The following PHTF1 variants were observed in gnomAD, a reference collection of about 807,000 sequenced individuals.
PHTF1 encodes putative homeodomain transcription factor 1, also known as protein PHTF1.
A neutral mutation model predicts 102.4 loss-of-function variants in PHTF1; 88 were observed. The ratio of observed to expected loss-of-function variants is 0.86; its 90% CI spans 0.72 to 1.03. The LOEUF (loss-of-function observed/expected upper bound fraction) is 1.03, where lower values mean the gene tolerates loss of function less well. Among genes scored for constraint, PHTF1 ranks in the 50% least tolerant of loss-of-function variants. The pLI is 0.00. For missense variants in PHTF1, 814 were observed against 909.5 expected (o/e 0.89, Z 1.35); for synonymous variants, 289 against 305.2 (o/e 0.95, Z 0.55).
intron 11 of PHTF1, among the ~76,000 whole-genome samples, chr1:113,709,955 T>C (rs529183470): frequency 5.9e-5 from 9 of 152,308 alleles, no homozygotes; most frequent in South Asian, 2.1e-4. Flanking sequence ...ATATTCTCTA[T>C]ATGCAAACTC....
At position 113,726,430 on chromosome 1, in the gene PHTF1, T is replaced by C. The variant is rs749263002; in HGVS notation, c.476A>G (p.Asn159Ser). Reference sequence around the variant, plus strand: ...TTTCTCATCTTACCTTCTTCTTCGATTTCCATTGTTTCCTGATGGTCTTGT... The same window carrying C: ...TTTCTCATCTTACCTTCTTCTTCGACTTCCATTGTTTCCTGATGGTCTTGT... The part of the protein sequence containing the change: ...QITRPSGNNG[N>S]RRRRKLRKTV... Residue 159 changes from asparagine (N) to serine (S), a missense_variant, in exon 6 of 19, where the codon AAT (asparagine) becomes AGT (serine). Coordinates refer to ENST00000369604, the MANE Select transcript of PHTF1 (RefSeq NM_001323043.2). 5.0e-6 allele frequency: 8 copies of C among 1,606,424 alleles called. No individual in the cohort carries two copies. In the South Asian group the frequency reaches 8.9e-5, roughly 18 times the overall value.
At chr1:113,758,287 A>G (rs1156253864) in intron 2 of PHTF1, among the ~76,000 whole-genome samples, 1 of 151,880 alleles carries the variant, frequency 6.6e-6, no homozygotes, top group Non-Finnish European at 1.5e-5. Context: ...CACTAGAAAA[A>G]CTAGAGAGGA....
At chr1:113,722,406 T>C (rs1219191506) in intron 7 of PHTF1, among the ~76,000 whole-genome samples, 1 of 151,926 alleles carries the variant, frequency 6.6e-6, no homozygotes, top group Non-Finnish European at 1.5e-5. Flanking sequence ...GCCACTGCAC[T>C]CTAGCTTTGG....
chr1:113,709,616 T>C (rs1367123991), intron 11 of PHTF1, among the ~76,000 whole-genome samples: 1 of 152,228 alleles, frequency 6.6e-6, no homozygotes, highest in East Asian at 1.9e-4. Flanking sequence ...GAGATATAAA[T>C]AATAATGCTA....
Position 113,697,602 on chromosome 1 carries a change from T to G in PHTF1, c.*103A>C. 3 of 803,248 alleles carry G rather than the reference T, an allele frequency of 3.7e-6. No individual in the cohort carries two copies. The South Asian group carries it at 4.5e-5, about 12-fold the overall frequency. 49.8% of individuals were successfully genotyped at this position (803,248 alleles called of 1,614,324 possible). On this transcript the variant is annotated 3_prime_UTR_variant, in exon 19 of 19. Transcript: ENST00000369604. ...TGGCAGAGCTGAGAGCACCTGTGCA[T>G]GTGAACAAGCAGGTGGGTATCTCAC...
rs867145399 is a variant in PHTF1, at chr1:113,706,173, A to T, written c.1399-11T>A. The T allele has an allele frequency of 1.3e-6, 2 of 1,584,966 alleles. No individual in the cohort carries two copies. The highest frequency in any genetic ancestry group is 3.4e-4 in the Middle Eastern group (2 of 5,882). ...CTGATAGGCATTGACCTGTGAATTA[A>T]TTTAAAATTTCCACCATTATTGTGT... On this transcript the variant is annotated splice_polypyrimidine_tract_variant and intron_variant, in intron 12 of 18. Coordinates refer to ENST00000369604, the MANE Select transcript of PHTF1 (RefSeq NM_001323043.2).
chr1:113,744,356 C>A (rs553420688), intron 3 of PHTF1, among the ~76,000 whole-genome samples: 2 of 152,268 alleles, frequency 1.3e-5, no homozygotes, highest in Non-Finnish European at 2.9e-5. Context: ...GAATAAAAAA[C>A]AAGTGAAACC....
intron 5 of PHTF1, among the ~76,000 whole-genome samples, chr1:113,728,343 T>A (rs1188342338): frequency 1.3e-5 from 2 of 152,188 alleles, no homozygotes; most frequent in Non-Finnish European, 2.9e-5. Flanking sequence ...CAAACAGGCA[T>A]ATGAAAAGGT....
At chr1:113,706,851 C>CTT (rs11363653) in intron 11 of PHTF1, 129 bp from the exon 12 acceptor site, 1,674 of 217,052 alleles carry the variant, frequency 7.7e-3, no homozygotes, top group Middle Eastern at 9.6e-3. Flanking sequence ...TTCTTTCTTT[C>CTT]TTTTTTTTTT....
At chr1:113,724,226 A>G (rs2101415662) in intron 7 of PHTF1, among the ~76,000 whole-genome samples, 1 of 152,290 alleles carries the variant, frequency 6.6e-6, no homozygotes, top group East Asian at 1.9e-4. Flanking sequence ...TCAAATAAAG[A>G]AAAATAGAAC....
chr1:113,706,227 T>C, intron 12 of PHTF1, 65 bp from the exon 13 acceptor site: 2 of 1,306,986 alleles, frequency 1.5e-6, no homozygotes, highest in Middle Eastern at 1.9e-4. Flanking sequence ...AAGCAGTATT[T>C]ATCAAACACT....
At chr1:113,737,023 A>C (rs1344394676) in intron 5 of PHTF1, among the ~76,000 whole-genome samples, 2 of 152,246 alleles carry the variant, frequency 1.3e-5, no homozygotes, top group East Asian at 3.8e-4. Flanking sequence ...GGTAGAAAGA[A>C]GGCTCAGAGT....
In PHTF1 at chr1:113,736,286, G is replaced by A. The variant is rs1655477445; in HGVS notation, c.331+1824C>T. Among the ~76,000 whole-genome samples the A allele has an allele frequency of 2.0e-5, 3 of 150,044 alleles. No homozygotes were observed. In the South Asian group the frequency reaches 6.4e-4, roughly 32 times the overall value. ...GAACCCAGGAGGCAGAGCTTGCAGTGAGCCAAGATCGCGCCACTGCACTCC... is the reference window on the plus strand; with the variant it reads ...GAACCCAGGAGGCAGAGCTTGCAGTAAGCCAAGATCGCGCCACTGCACTCC... On this transcript the variant is annotated intron_variant, in intron 5 of 18. Transcript: ENST00000369604.
At chr1:113,720,884 A>T (rs1239993840) in intron 7 of PHTF1, among the ~76,000 whole-genome samples, 7 of 152,238 alleles carry the variant, frequency 4.6e-5, no homozygotes, top group Non-Finnish European at 7.3e-5. Flanking sequence ...AACCTGTGAA[A>T]TCTAGGCAGA....
At chr1:113,744,234 A>G (rs1040373246) in intron 3 of PHTF1, among the ~76,000 whole-genome samples, 2 of 152,198 alleles carry the variant, frequency 1.3e-5, no homozygotes, top group Admixed American at 1.3e-4. Flanking sequence ...ATAACTGTGC[A>G]ACATCATCAC....
At chr1:113,733,744 A>G (rs1209049083) in intron 5 of PHTF1, among the ~76,000 whole-genome samples, 1 of 152,210 alleles carries the variant, frequency 6.6e-6, no homozygotes, top group East Asian at 1.9e-4. Flanking sequence ...TGTTATTTAT[A>G]AAGCACCTAG....
intron 12 of PHTF1, 77 bp downstream of exon 12, chr1:113,706,517 A>C (rs1650206380): frequency 8.7e-7 from 1 of 1,146,218 alleles, no homozygotes; most frequent in African/African-American, 1.6e-5. Flanking sequence ...TGTTTTAATC[A>C]CTAAGAGATT....
At chr1:113,736,873 G>A (rs1343587018) in intron 5 of PHTF1, among the ~76,000 whole-genome samples, 1 of 152,210 alleles carries the variant, frequency 6.6e-6, no homozygotes, top group Non-Finnish European at 1.5e-5. Context: ...AGGTCCTGTA[G>A]GGCATTATAG....
At chr1:113,722,944 A>AAATG (rs1192199537) in intron 7 of PHTF1, among the ~76,000 whole-genome samples, 1 of 148,650 alleles carries the variant, frequency 6.7e-6, no homozygotes, top group Admixed American at 6.7e-5. Context: ...ATAAATAAAT[A>AAATG]AATAAATAAA....
Sources: gnomAD v4.1 joint callset for allele counts (sites outside exome capture counted in the v4.1 genomes callset) on GRCh38, gnomAD v4.1.1 for gene constraint, MANE v1.5 for transcripts, NCBI Gene and HGNC (gene_info 2026-07-23, HGNC 2026-07-21) for gene names.